Variants in NCKAP5 observed in about 807,000 individuals in gnomAD.
NCKAP5 encodes NCK associated protein 5.
Under a neutral mutation model 167.0 loss-of-function variants are expected in NCKAP5, and 92 were observed. That is an observed-to-expected ratio of 0.55 (90% confidence interval 0.47 to 0.66). NCKAP5 has a LOEUF of 0.66. Among genes scored for constraint, NCKAP5 ranks in the 30% least tolerant of loss-of-function variants. NCKAP5 has a pLI of 0.00. For missense variants in NCKAP5, 2,378 were observed against 2,315.0 expected (o/e 1.03, Z -0.56); for synonymous variants, 891 against 877.4 (o/e 1.02, Z -0.27).
intron 19 of NCKAP5, among the ~76,000 whole-genome samples, chr2:132,710,069 T>A (rs935679396): frequency 1.3e-5 from 2 of 152,138 alleles, no homozygotes; most frequent in Non-Finnish European, 2.9e-5. Context: ...ACTGGTTTAA[T>A]TTTTAAAATA....
chr2:133,078,623 A>G (rs538860551), intron 6 of NCKAP5, among the ~76,000 whole-genome samples: 1 of 152,256 alleles, frequency 6.6e-6, no homozygotes, highest in Admixed American at 6.5e-5. Flanking sequence ...AACCCTCACC[A>G]AGACAAGGAG....
chr2:133,397,325 C>T (rs544763150), intron 3 of NCKAP5, among the ~76,000 whole-genome samples: 20 of 152,180 alleles, frequency 1.3e-4, no homozygotes, highest in South Asian at 4.2e-4. Flanking sequence ...GCCATTTGAT[C>T]GCAAGCTCTT....
chr2:132,756,202 T>C (rs1350616231), intron 16 of NCKAP5, among the ~76,000 whole-genome samples: 2 of 152,176 alleles, frequency 1.3e-5, no homozygotes, highest in Non-Finnish European at 2.9e-5. Context: ...CAACAAGGTC[T>C]AAGTTCTGTC....
intron 8 of NCKAP5, among the ~76,000 whole-genome samples, chr2:132,887,988 C>T (rs1293637287): frequency 1.3e-5 from 2 of 152,176 alleles, no homozygotes; most frequent in Non-Finnish European, 2.9e-5. Context: ...AGGGGCCACA[C>T]ATTTTAGCAC....
At chr2:132,980,671 G>C (rs372909262) in intron 7 of NCKAP5, among the ~76,000 whole-genome samples, 14 of 152,204 alleles carry the variant, frequency 9.2e-5, no homozygotes, top group African/African-American at 3.1e-4. Flanking sequence ...AGGTTCAAAT[G>C]AGATGATGCT....
intron 19 of NCKAP5, among the ~76,000 whole-genome samples, chr2:132,718,368 C>G (rs1416995726): frequency 6.6e-6 from 1 of 152,228 alleles, no homozygotes; most frequent in Non-Finnish European, 1.5e-5. Context: ...ACCTTTACTT[C>G]TCTCTTTCAT....
intron 6 of NCKAP5, among the ~76,000 whole-genome samples, chr2:133,086,818 T>C: frequency 6.6e-6 from 1 of 152,130 alleles, no homozygotes; most frequent in East Asian, 1.9e-4. Context: ...AAACCGGATT[T>C]GTTGAAAGTT....
At chr2:132,732,536 C>G (rs1315506197) in intron 16 of NCKAP5, among the ~76,000 whole-genome samples, 4 of 152,122 alleles carry the variant, frequency 2.6e-5, no homozygotes, top group African/African-American at 9.7e-5. Flanking sequence ...GAAAACATCC[C>G]CCTTCATGTA....
chr2:132,888,099 C>T (rs138830242), intron 8 of NCKAP5, among the ~76,000 whole-genome samples: 185 of 152,224 alleles, frequency 1.2e-3, no homozygotes, highest in African/African-American at 4.1e-3. Context: ...ATGCTTTATA[C>T]GCCTCTTTTC....
chr2:133,080,215 A>T (rs2080755704), intron 6 of NCKAP5, among the ~76,000 whole-genome samples: 1 of 152,174 alleles, frequency 6.6e-6, no homozygotes, highest in Non-Finnish European at 1.5e-5. Flanking sequence ...TTACTTTTAA[A>T]TAACAACAAC....
At chr2:133,506,676 C>T (rs753606721) in intron 3 of NCKAP5, among the ~76,000 whole-genome samples, 2 of 152,198 alleles carry the variant, frequency 1.3e-5, no homozygotes, top group Non-Finnish European at 2.9e-5. Context: ...GGCCTAGTGG[C>T]AATGACTCCC....
chr2:133,034,633 G>T (rs1308008064), intron 6 of NCKAP5, among the ~76,000 whole-genome samples: 1 of 152,024 alleles, frequency 6.6e-6, no homozygotes, highest in Admixed American at 6.6e-5. Context: ...AAGTTAAGGT[G>T]TAGAGTTTTT....
chr2:133,025,449 T>C (rs1423905396), intron 6 of NCKAP5, among the ~76,000 whole-genome samples: 1 of 152,214 alleles, frequency 6.6e-6, no homozygotes, highest in Non-Finnish European at 1.5e-5. Flanking sequence ...AGTACAGGTG[T>C]AGGGGCTGGT....
chr2:133,473,141 G>T (rs889572444), intron 3 of NCKAP5, among the ~76,000 whole-genome samples: 1 of 152,124 alleles, frequency 6.6e-6, no homozygotes, highest in Non-Finnish European at 1.5e-5. Flanking sequence ...AGACCATCCT[G>T]GCCAAGATGG....
At position 132,785,278 on chromosome 2, in the gene NCKAP5, C is replaced by T. The variant is rs776798144; in HGVS notation, c.1533G>A (p.Leu511=). ...GTTTTCTGTTTGTCTCCCAGCCAAA[C>T]AGACTGTCGGAAACACTGTGGGTTA... is the stretch of plus-strand genomic sequence containing the variant. The part of the protein sequence containing the change: ...SKLTHSVSDS[L]FGWETNRKHF... Residue 511 remains leucine (L), a synonymous_variant, in exon 14 of 20, where the codon CTG becomes CTA. Transcript: ENST00000409261. 2 of 1,589,756 alleles carry T rather than the reference C, an allele frequency of 1.3e-6. No homozygotes were observed. Among genetic ancestry groups the T allele is most frequent in the South Asian group, 2.3e-5 (2 of 87,236 alleles).
chr2:133,337,974 A>AC (rs1195775553), intron 3 of NCKAP5, among the ~76,000 whole-genome samples: 1 of 152,244 alleles, frequency 6.6e-6, no homozygotes, highest in Admixed American at 6.5e-5. Context: ...GGCTATACTC[A>AC]GATATCTAAA....
At chr2:133,375,901 A>G (rs1255904400) in intron 3 of NCKAP5, among the ~76,000 whole-genome samples, 2 of 152,224 alleles carry the variant, frequency 1.3e-5, no homozygotes, top group African/African-American at 2.4e-5. Flanking sequence ...TGAATACAGA[A>G]AGTCAAAAAT....
chr2:133,341,885 T>C (rs973030771), intron 3 of NCKAP5, among the ~76,000 whole-genome samples: 4 of 152,218 alleles, frequency 2.6e-5, no homozygotes, highest in African/African-American at 7.2e-5. Flanking sequence ...TTTCATAAGG[T>C]TCAACCTAAT....
intron 4 of NCKAP5, among the ~76,000 whole-genome samples, chr2:133,243,801 GT>G (rs1320552993): frequency 6.6e-6 from 1 of 152,116 alleles, no homozygotes; most frequent in Admixed American, 6.5e-5. Context: ...GAAAAACAAC[GT>G]TTGCTTCTTT....
Sources: allele counts gnomAD v4.1 joint callset (sites outside exome capture counted in the v4.1 genomes callset), GRCh38; gene constraint gnomAD v4.1.1; transcripts MANE v1.5; gene names NCBI Gene and HGNC (gene_info 2026-07-23, HGNC 2026-07-21).